HIP1: variants seen among roughly 807,000 people sequenced by gnomAD.
HIP1 encodes huntingtin-interacting protein 1.
HIP1 carries 65 observed loss-of-function variants against 147.6 expected under a neutral mutation model. The ratio of observed to expected loss-of-function variants is 0.44; its 90% CI spans 0.36 to 0.54. The LOEUF (loss-of-function observed/expected upper bound fraction) is 0.54, where lower values mean the gene tolerates loss of function less well. Among genes scored for constraint, HIP1 ranks in the 20% least tolerant of loss-of-function variants. The probability of loss-of-function intolerance (pLI) is 0.00; values close to 1 mark genes in which losing one functional copy is unlikely to be tolerated. For synonymous variants in HIP1, 479 were observed against 504.0 expected, an observed-to-expected ratio of 0.95 and a Z score of 0.67; for missense variants, 1,061 against 1,299.6, an observed-to-expected ratio of 0.82 and a Z score of 2.82.
intron 1 of HIP1, among the ~76,000 whole-genome samples, chr7:75,728,673 G>A (rs782167385): frequency 6.6e-5 from 10 of 151,414 alleles, no homozygotes; most frequent in Non-Finnish European, 7.4e-5. Context: ...ATAGGGACAC[G>A]CCCCATCCTT....
At chr7:75,661,682 C>T (rs1584929497) in intron 1 of HIP1, among the ~76,000 whole-genome samples, 1 of 151,034 alleles carries the variant, frequency 6.6e-6, no homozygotes, top group South Asian at 2.1e-4. Flanking sequence ...CCCAAGGATG[C>T]GAAGCAGGGA....
At chr7:75,544,203 G>A (rs1481619976) in intron 27 of HIP1, among the ~76,000 whole-genome samples, 2 of 150,518 alleles carry the variant, frequency 1.3e-5, no homozygotes, top group Middle Eastern at 3.3e-3. Flanking sequence ...CTCTGTAAGA[G>A]GATAGTATGG....
At chr7:75,701,309 G>T (rs968930649) in intron 1 of HIP1, among the ~76,000 whole-genome samples, 11 of 151,828 alleles carry the variant, frequency 7.2e-5, no homozygotes, top group Non-Finnish European at 5.9e-5. Flanking sequence ...CAGGAGAATC[G>T]CTTGAACCTC....
At chr7:75,547,090 G>A (rs1407697213) in intron 24 of HIP1, 58 bp from the exon 25 acceptor site, 38 of 1,370,108 alleles carry the variant, frequency 2.8e-5, no homozygotes, top group East Asian at 7.4e-5. Flanking sequence ...CAATGAACAC[G>A]ACGGTTCTCT....
At chr7:75,670,291 C>CA (rs1204670599) in intron 1 of HIP1, among the ~76,000 whole-genome samples, 5 of 151,944 alleles carry the variant, frequency 3.3e-5, no homozygotes, top group Admixed American at 2.6e-4. Flanking sequence ...GCTGGGACTA[C>CA]AGGCGCACAC....
intron 1 of HIP1, among the ~76,000 whole-genome samples, chr7:75,675,005 G>A (rs1331373695): frequency 1.3e-5 from 2 of 151,822 alleles, no homozygotes; most frequent in Non-Finnish European, 2.9e-5. Flanking sequence ...ATAATTTCAA[G>A]TCATTATTTC....
intron 10 of HIP1, 39 bp from the exon 11 acceptor site, chr7:75,563,114 C>T: frequency 6.2e-7 from 1 of 1,614,040 alleles, no homozygotes; most frequent in Non-Finnish European, 8.5e-7. Flanking sequence ...TGCTTGCTTG[C>T]CAGGCCCCGC....
chr7:75,585,329 C>T (rs953103764), intron 5 of HIP1, among the ~76,000 whole-genome samples: 2 of 151,498 alleles, frequency 1.3e-5, no homozygotes, highest in South Asian at 2.1e-4. Flanking sequence ...GGACTACAGA[C>T]GTGAGCTAAT....
At chr7:75,611,716 T>C in intron 1 of HIP1, 1 of 1,033,578 alleles carries the variant, frequency 9.7e-7, no homozygotes, top group Non-Finnish European at 1.2e-6. Context: ...CAGGCTGTTC[T>C]CTGGACTTCC....
At chr7:75,558,311 CT>C (rs1554493857) in intron 14 of HIP1, 56 bp from the exon 15 acceptor site, 5 of 1,344,474 alleles carry the variant, frequency 3.7e-6, no homozygotes, top group East Asian at 4.6e-5. Flanking sequence ...CCTTGCCTTC[CT>C]TGCAATGAGC....
chr7:75,540,914 G>C (rs1794282139), intron 29 of HIP1, among the ~76,000 whole-genome samples: 1 of 152,156 alleles, frequency 6.6e-6, no homozygotes, highest in Admixed American at 6.6e-5. Context: ...TGGATACTAA[G>C]AGATCCTGGA....
chr7:75,590,413 A>G (rs187189869), intron 4 of HIP1, among the ~76,000 whole-genome samples: 10 of 152,316 alleles, frequency 6.6e-5, no homozygotes. Context: ...CCCAAATAGT[A>G]ATGAGGAAAA....
chr7:75,662,474 G>A (rs1554513790), intron 1 of HIP1, among the ~76,000 whole-genome samples: 1 of 152,086 alleles, frequency 6.6e-6, no homozygotes, highest in African/African-American at 2.4e-5. Flanking sequence ...CACCATGCCT[G>A]GCTGGAAAGA....
At chr7:75,570,021 G>A (rs1423217232) in intron 8 of HIP1, among the ~76,000 whole-genome samples, 1 of 150,610 alleles carries the variant, frequency 6.6e-6, no homozygotes, top group Non-Finnish European at 1.5e-5. Flanking sequence ...CACAACCTCC[G>A]CCTCCCGGGT....
intron 1 of HIP1, among the ~76,000 whole-genome samples, chr7:75,690,736 C>T (rs1318055445): frequency 6.6e-6 from 1 of 152,056 alleles, no homozygotes; most frequent in African/African-American, 2.4e-5. Flanking sequence ...GTGGTGCATG[C>T]CTGTAATCCC....
intron 4 of HIP1, among the ~76,000 whole-genome samples, chr7:75,588,344 C>A (rs1326304894): frequency 6.6e-6 from 1 of 151,908 alleles, no homozygotes; most frequent in Non-Finnish European, 1.5e-5. Flanking sequence ...CAAAATGCAC[C>A]AAAAGGGACG....
At chr7:75,616,603 G>GGAGGAGGAGGAA (rs1194531662) in intron 1 of HIP1, among the ~76,000 whole-genome samples, 2 of 99,606 alleles carry the variant, frequency 2.0e-5, no homozygotes, top group Non-Finnish European at 5.6e-5. Context: ...AGGAGGAGGA[G>GGAGGAGGAGGAA]GAGGAGGAGG....
rs372119007 is a variant in HIP1, at chr7:75,638,005, T to TACACACAC, written c.121-38766_121-38759dup. Among the ~76,000 whole-genome samples, 341 of 44,000 alleles carry TACACACAC rather than the reference T, an allele frequency of 7.7e-3. 11 individuals carry two copies. Among genetic ancestry groups the TACACACAC allele is most frequent in the Non-Finnish European group, 8.4e-3 (213 of 25,416 alleles). The allele number at this position is 44,000 out of a possible 152,430, so 28.9% of individuals were successfully genotyped here. A position where few individuals can be genotyped will look rare whatever the true frequency, so the allele number is the denominator to read the frequency against. On this transcript the variant is annotated intron_variant, in intron 1 of 30. Coordinates refer to ENST00000336926, the MANE Select transcript of HIP1 (RefSeq NM_005338.7). Reference sequence around the variant, plus strand: ...CCCCCCCCCCCCCCACACACACACATACACACACACACACACACACACACA... The same window carrying TACACACAC: ...CCCCCCCCCCCCCCACACACACACATACACACACACACACACACACACACACACACACA...
At chr7:75,600,768 T>C (rs13235254) in intron 1 of HIP1, among the ~76,000 whole-genome samples, 23,857 of 152,114 alleles carry the variant, frequency 0.16, 2,179 homozygotes, top group Middle Eastern at 0.27. Flanking sequence ...ATTATTATTA[T>C]TTTTCGTCCT....
Sources: gnomAD v4.1 joint callset for allele counts (sites outside exome capture counted in the v4.1 genomes callset) on GRCh38, gnomAD v4.1.1 for gene constraint, MANE v1.5 for transcripts, NCBI Gene and HGNC (gene_info 2026-07-23, HGNC 2026-07-21) for gene names.